The following NADK2 variants were observed in gnomAD, a reference collection of about 807,000 sequenced individuals.
NADK2 encodes NAD kinase domain-containing protein 1, mitochondrial.
NADK2 carries 35 observed loss-of-function variants against 62.1 expected under a neutral mutation model. The ratio of observed to expected loss-of-function variants is 0.56; its 90% CI spans 0.43 to 0.75. The LOEUF (loss-of-function observed/expected upper bound fraction) is 0.75, where lower values mean the gene tolerates loss of function less well. Ranked by LOEUF, NADK2 falls within the 30% of genes least tolerant of loss-of-function variation. NADK2 has a pLI of 0.00. For synonymous variants in NADK2, 205 were observed against 207.9 expected, an observed-to-expected ratio of 0.99 and a Z score of 0.12; for missense variants, 439 against 561.3, an observed-to-expected ratio of 0.78 and a Z score of 2.20.
At chr5:36,229,684 C>T (rs776859442) in intron 1 of NADK2, among the ~76,000 whole-genome samples, 3 of 151,618 alleles carry the variant, frequency 2.0e-5, no homozygotes, top group African/African-American at 4.8e-5. Context: ...TCTCCCAACC[C>T]GGCCTATCTT....
intron 7 of NADK2, chr5:36,208,663 C>T (rs1746730967): frequency 6.5e-7 from 1 of 1,533,362 alleles, no homozygotes; most frequent in Non-Finnish European, 8.7e-7. Context: ...TTAAATTGTC[C>T]ACTGCTACAG....
chr5:36,227,436 G>GT, intron 2 of NADK2, 41 bp downstream of exon 2: 1 of 1,018,424 alleles, frequency 9.8e-7, no homozygotes, highest in Non-Finnish European at 1.3e-6. Flanking sequence ...TGGAAGTCCT[G>GT]AATATAAAAT....
chr5:36,230,116 T>A (rs542938527), intron 1 of NADK2, among the ~76,000 whole-genome samples: 1 of 152,194 alleles, frequency 6.6e-6, no homozygotes, highest in Admixed American at 6.5e-5. Context: ...GACCACAGCA[T>A]GTCTCTTCCT....
intron 4 of NADK2, among the ~76,000 whole-genome samples, chr5:36,220,355 G>C (rs1372852313): frequency 6.6e-6 from 1 of 152,166 alleles, no homozygotes; most frequent in African/African-American, 2.4e-5. Context: ...TGGTAAGATT[G>C]CCTATTGGTT....
At chr5:36,234,316 T>C (rs1273322117) in intron 1 of NADK2, among the ~76,000 whole-genome samples, 1 of 132,978 alleles carries the variant, frequency 7.5e-6, no homozygotes, top group Non-Finnish European at 1.5e-5. Context: ...GAGCTTGCAG[T>C]GAGTCGAGAT....
chr5:36,235,466 G>C (rs1747868524), intron 1 of NADK2, among the ~76,000 whole-genome samples: 1 of 152,158 alleles, frequency 6.6e-6, no homozygotes, highest in Admixed American at 6.5e-5. Flanking sequence ...GGAAAAGCAG[G>C]TATTACTATA....
intron 2 of NADK2, among the ~76,000 whole-genome samples, chr5:36,227,159 T>C (rs1747513411): frequency 6.6e-6 from 1 of 152,188 alleles, no homozygotes. Flanking sequence ...CAATGAACAC[T>C]CATATAATCC....
intron 8 of NADK2, among the ~76,000 whole-genome samples, chr5:36,202,627 T>C (rs563631975): frequency 4.6e-5 from 7 of 152,250 alleles, no homozygotes; most frequent in East Asian, 1.9e-4. Context: ...TCATGCCATA[T>C]AGTCATGTGA....
chr5:36,238,426 T>G (rs1453126231), intron 1 of NADK2, among the ~76,000 whole-genome samples: 1 of 152,192 alleles, frequency 6.6e-6, no homozygotes, highest in Non-Finnish European at 1.5e-5. Context: ...CCTGGAATGA[T>G]GGAGAGGAGG....
chr5:36,232,633 C>T (rs1174667411), intron 1 of NADK2, among the ~76,000 whole-genome samples: 2 of 152,180 alleles, frequency 1.3e-5, no homozygotes, highest in East Asian at 3.9e-4. Flanking sequence ...CTCTATTCCA[C>T]TTACTTTCTC....
At chr5:36,217,959 CAAATT>C (rs1172867945) in intron 5 of NADK2, 75 bp from the exon 6 acceptor site, 1 of 1,352,768 alleles carries the variant, frequency 7.4e-7, no homozygotes, top group Admixed American at 2.2e-5. Context: ...ATAATTTAAC[CAAATT>C]AAATAGTTAA....
chr5:36,215,383 T>A (rs902188866), intron 6 of NADK2, among the ~76,000 whole-genome samples: 1 of 152,230 alleles, frequency 6.6e-6, no homozygotes, highest in East Asian at 1.9e-4. Flanking sequence ...TGTATAATGA[T>A]CAAATCAGGG....
chr5:36,235,571 G>C (rs1245824218), intron 1 of NADK2, among the ~76,000 whole-genome samples: 1 of 152,120 alleles, frequency 6.6e-6, no homozygotes, highest in Non-Finnish European at 1.5e-5. Context: ...TCAAAACTCT[G>C]ATCTTCTGCT....
intron 8 of NADK2, 82 bp from the exon 9 acceptor site, chr5:36,201,243 T>C (rs1208119198): frequency 1.1e-5 from 13 of 1,229,938 alleles, no homozygotes; most frequent in African/African-American, 6.1e-5. Context: ...ACTTAAAATA[T>C]AGAAAATTCT....
At chr5:36,197,497 T>C (rs752911641) in intron 11 of NADK2, 44 bp downstream of exon 11, 5 of 1,610,024 alleles carry the variant, frequency 3.1e-6, no homozygotes, top group Admixed American at 3.4e-5. Flanking sequence ...TTTGTAACAA[T>C]GAAAGGGATG....
chr5:36,238,212 A>C (rs1363174107), intron 1 of NADK2, among the ~76,000 whole-genome samples: 1 of 152,196 alleles, frequency 6.6e-6, no homozygotes, highest in African/African-American at 2.4e-5. Flanking sequence ...CCTGTGGCAA[A>C]AGTATTATCT....
Position 36,205,764 on chromosome 5 carries a change from AC to A in NADK2, c.956+1405del, listed in dbSNP as rs1266770493. 6.6e-6 allele frequency among the ~76,000 whole-genome samples: 1 copy of A among 152,158 alleles called. No homozygotes were observed. Among genetic ancestry groups the A allele is most frequent in the Non-Finnish European group, 1.5e-5 (1 of 68,030 alleles). On this transcript the variant is annotated intron_variant, in intron 8 of 11. Transcript: ENST00000381937. This position sits in a 1 kb window ranked among gnomAD's most constrained non-coding sequence, Gnocchi z 4.1. ...TCCTCAAGGATCTAGAACTAGAAAT[AC>A]TATTTGACCCAGCCATCCCATTACT...
intron 9 of NADK2, 37 bp from the exon 10 acceptor site, chr5:36,200,317 AAT>A (rs372501096): frequency 4.3e-6 from 6 of 1,408,548 alleles, no homozygotes; most frequent in Non-Finnish European, 5.8e-6. Flanking sequence ...GTATGTTATA[AAT>A]ATATATATCT....
chr5:36,200,298 G>C lies in NADK2; in HGVS notation c.1013-18C>G, dbSNP rs747551553. ...TCGTTTTGCTGTTGAAAAAGGAAAG[G>C]GGGAAAATGTATGTTATAAATATAT... On this transcript the variant is annotated intron_variant, in intron 9 of 11. Transcript: ENST00000381937. 6.4e-7 allele frequency: 1 copy of C among 1,560,930 alleles called. No homozygotes were observed. The highest frequency in any genetic ancestry group is 8.7e-7 in the Non-Finnish European group (1 of 1,148,842).
Sources: gnomAD v4.1 joint callset for allele counts (sites outside exome capture counted in the v4.1 genomes callset) on GRCh38, gnomAD v4.1.1 for gene constraint, Gnocchi (gnomAD v3.1) non-coding constraint, MANE v1.5 for transcripts, NCBI Gene and HGNC (gene_info 2026-07-23, HGNC 2026-07-21) for gene names.